SIX4: variants seen among roughly 807,000 people sequenced by gnomAD.
SIX4 encodes SIX homeobox 4, also known as homeobox protein SIX4.
SIX4 carries 23 observed loss-of-function variants against 51.5 expected under a neutral mutation model. The observed-to-expected ratio is 0.45, with a 90% CI of 0.32 to 0.63. SIX4 has a LOEUF of 0.63. Ranked by LOEUF, SIX4 falls within the 30% of genes least tolerant of loss-of-function variation. SIX4 has a pLI of 0.04. For synonymous variants in SIX4, 413 were observed against 417.3 expected (o/e 0.99, Z 0.13); for missense variants, 867 against 984.0 (o/e 0.88, Z 1.59).
intron 1 of SIX4, 60 bp downstream of exon 1, chr14:60,723,152 A>G (rs1896060970): frequency 2.1e-6 from 3 of 1,459,046 alleles, no homozygotes; most frequent in East Asian, 2.5e-5. Flanking sequence ...TTGGAGGAAA[A>G]GAAAGCCGGG....
chr14:60,719,653 A>T lies in SIX4; in HGVS notation c.1549+107T>A. On this transcript the variant is annotated intron_variant, in intron 2 of 2. Transcript: ENST00000216513. This position sits in a 1 kb window ranked among gnomAD's most constrained non-coding sequence, Gnocchi z 4.9. ...TACTCTACAGCTTCGGCAGCTAATA[A>T]GGTACCTGAACAGAAACATCAATCT... The T allele has an allele frequency of 9.0e-7, 1 of 1,116,364 alleles. No individual in the cohort carries two copies. The highest frequency in any genetic ancestry group is 1.3e-6 in the Non-Finnish European group (1 of 787,440). The allele number at this position is 1,116,364 out of a possible 1,614,324, so 69.2% of individuals were successfully genotyped here.
intron 2 of SIX4, chr14:60,718,022 T>A (rs1895950554): frequency 4.6e-6 from 1 of 218,150 alleles, no homozygotes; most frequent in African/African-American, 2.4e-5. Flanking sequence ...AAAATAATAA[T>A]AATAATAATA....
rs748843433 is a variant in SIX4, at chr14:60,723,830, TCCGCCGCCGCTCCGGCCG to T, written c.227_244del (p.Ala76_Ala81del). 2.6e-6 allele frequency: 4 copies of T among 1,523,766 alleles called. No individual in the cohort carries two copies. Among genetic ancestry groups the T allele is most frequent in the Admixed American group, 4.4e-5 (2 of 45,636 alleles). The allele number at this position is 1,523,766 out of a possible 1,614,324, so 94.4% of individuals were successfully genotyped here. The stretch of plus-strand genomic sequence containing the variant: ...AAGTTCCGAGTGGAGTTGTACCTGA[TCCGCCGCCGCTCCGGCCG>T]CCGCCGCCGCCACTGCCCCTTCCTC... On this transcript the variant is annotated inframe_deletion, in exon 1 of 3. Transcript: ENST00000216513.
rs758321374 is a variant in SIX4, at chr14:60,713,795, A to G, written c.1958T>C (p.Val653Ala). ...ATAGTTAGTGTTGCTGACAGATGTC[A>G]CAGTAGATTTGCTTGCCACCGGTGC... ...MSAPVASKST[V>A]TSVSNTNYAT... The change falls in exon 3 of 3, where the codon GTG becomes GCG. Residue 653 changes from valine (V) to alanine (A), a missense_variant. Coordinates refer to ENST00000216513, the MANE Select transcript of SIX4 (RefSeq NM_017420.5). The G allele has an allele frequency of 3.1e-6, 5 of 1,614,196 alleles. No homozygotes were observed. The South Asian group carries it at 5.5e-5, about 18-fold the overall frequency.
At position 60,713,555 on chromosome 14, in the gene SIX4, G is replaced by C; in HGVS notation, c.2198C>G (p.Ala733Gly). The C allele has an allele frequency of 6.2e-7, 1 of 1,614,166 alleles. No homozygotes were observed. The highest frequency in any genetic ancestry group is 1.1e-5 in the South Asian group (1 of 91,082). ...GTCCAGCATCATTAAGCTACTTGTT[G>C]CTTTGCTCTCAGAATTTGATAAGAA... is the stretch of plus-strand genomic sequence containing the variant. ...ENFLSNSESK[A>G]TSSLMMLDSK... Residue 733 changes from alanine (A) to glycine (G), a missense_variant, in exon 3 of 3, where the codon GCA (alanine) becomes GGA (glycine). Ala to Gly is a moderately conservative substitution (Grantham distance 60). Coordinates refer to ENST00000216513, the MANE Select transcript of SIX4 (RefSeq NM_017420.5).
At position 60,719,749 on chromosome 14, in the gene SIX4, G is replaced by A. The variant is rs764682464; in HGVS notation, c.1549+11C>T. 6 of 1,610,802 alleles carry A rather than the reference G, an allele frequency of 3.7e-6. No homozygotes were observed. In the East Asian group the frequency reaches 1.3e-4, roughly 36 times the overall value. ...TTGCTGGTGCATTAAGGTACCAAAT[G>A]AGATTGTTACCTTGTGAAGCTGCCA... is the stretch of plus-strand genomic sequence containing the variant. On this transcript the variant is annotated intron_variant, in intron 2 of 2. Transcript: ENST00000216513. This position sits in a 1 kb window ranked among gnomAD's most constrained non-coding sequence, Gnocchi z 4.9.
intron 2 of SIX4, among the ~76,000 whole-genome samples, chr14:60,714,683 T>G (rs1895888076): frequency 6.6e-6 from 1 of 151,716 alleles, no homozygotes; most frequent in Non-Finnish European, 1.5e-5. Flanking sequence ...TTTTTTTTTT[T>G]TCAGATGGAG....
chr14:60,723,446 A>G lies in SIX4; in HGVS notation c.629T>C (p.Leu210Pro). Residue 210 changes from leucine to proline, a missense_variant, in exon 1 of 3, where the codon CTG becomes CCG. Leu to Pro is a moderately conservative substitution (Grantham distance 98, BLOSUM62 -3). Coordinates refer to ENST00000216513, the MANE Select transcript of SIX4 (RefSeq NM_017420.5). ...GCGGGGCAGGGGGAATTTCCTGCGC[A>G]GCCGGTACTTGTCTACGGCTCCCAG... ...RPLGAVDKYRLRRKFPLPRTI... is the reference protein window; with the variant it reads ...RPLGAVDKYRPRRKFPLPRTI... 1 of 1,609,548 alleles carries G rather than the reference A, an allele frequency of 6.2e-7. No homozygotes were observed. Among genetic ancestry groups the G allele is most frequent in the Non-Finnish European group, 8.5e-7 (1 of 1,179,860 alleles).
chr14:60,719,731 T>C lies in SIX4; in HGVS notation c.1549+29A>G. On this transcript the variant is annotated intron_variant, in intron 2 of 2. Transcript: ENST00000216513. The surrounding 1 kb of genome is among the most constrained non-coding windows in gnomAD (Gnocchi z 4.9). ...AGCAGCTGATGAACACATTTGCTGG[T>C]GCATTAAGGTACCAAATGAGATTGT... The C allele has an allele frequency of 6.3e-7, 1 of 1,598,656 alleles. No homozygotes were observed.
chr14:60,718,384 A>G (rs749940895), intron 2 of SIX4, among the ~76,000 whole-genome samples: 1 of 152,198 alleles, frequency 6.6e-6, no homozygotes, highest in Non-Finnish European at 1.5e-5. Flanking sequence ...CTATTAGTTC[A>G]TAATAATTTT....
chr14:60,721,675 G>A (rs1177627035), intron 1 of SIX4, among the ~76,000 whole-genome samples: 3 of 152,152 alleles, frequency 2.0e-5, no homozygotes, highest in Admixed American at 6.5e-5. Flanking sequence ...TGGAGCGTGG[G>A]GGAGTCCCAG....
At position 60,722,488 on chromosome 14, in the gene SIX4, C is replaced by G. The variant is rs1160410937; in HGVS notation, c.863+724G>C. On this transcript the variant is annotated intron_variant, in intron 1 of 2. Transcript: ENST00000216513. The surrounding 1 kb of genome is among the most constrained non-coding windows in gnomAD (Gnocchi z 5.9). ...CTGCTACCCCGGCTGCGCTGAAACC[C>G]GATCCTAAGGAGTTCAGAATCAGGT... 2.0e-5 allele frequency among the ~76,000 whole-genome samples: 3 copies of G among 152,148 alleles called. No individual in the cohort carries two copies. The highest frequency in any genetic ancestry group is 7.2e-5 in the African/African-American group (3 of 41,436).
rs992345550 is a variant in SIX4, at chr14:60,712,299, G to A, written c.*1108C>T. On this transcript the variant is annotated 3_prime_UTR_variant, in exon 3 of 3. Coordinates refer to ENST00000216513, the MANE Select transcript of SIX4 (RefSeq NM_017420.5). Reference sequence around the variant, plus strand: ...ATATATATTATTTAGTGAAACTTAAGTTCTTCAGATTTAAAGCAATTTTGT... The same window carrying A: ...ATATATATTATTTAGTGAAACTTAAATTCTTCAGATTTAAAGCAATTTTGT... 6.6e-6 allele frequency: 1 copy of A among 152,538 alleles called. No homozygotes were observed. Among genetic ancestry groups the A allele is most frequent in the Non-Finnish European group, 1.5e-5 (1 of 68,024 alleles). The allele number at this position is 152,538 out of a possible 1,614,324, so 9.4% of individuals were successfully genotyped here.
At position 60,724,020 on chromosome 14, in the gene SIX4, C is replaced by T; in HGVS notation, c.55G>A (p.Glu19Lys). 6 of 1,525,882 alleles carry T rather than the reference C, an allele frequency of 3.9e-6. No individual in the cohort carries two copies. Among genetic ancestry groups the T allele is most frequent in the Non-Finnish European group, 5.3e-6 (6 of 1,138,346 alleles). 94.5% of individuals were successfully genotyped at this position (1,525,882 alleles called of 1,614,324 possible). Residue 19 changes from glutamate to lysine, a missense_variant, in exon 1 of 3, where the codon GAG (glutamate) becomes AAG (lysine). Glu to Lys is a moderately conservative substitution (Grantham distance 56, BLOSUM62 1). Transcript: ENST00000216513. Reference protein sequence around the residue: ...QIASAADIKQENGMESASEGQ... With the variant: ...QIASAADIKQKNGMESASEGQ... The stretch of plus-strand genomic sequence containing the variant: ...TCCGAGGCGCTTTCCATCCCATTCT[C>T]TTGCTTGATGTCCGCCGCACTTGCG...
At chr14:60,721,459 G>C (rs1896017730) in intron 1 of SIX4, among the ~76,000 whole-genome samples, 2 of 152,206 alleles carry the variant, frequency 1.3e-5, no homozygotes, top group Non-Finnish European at 1.5e-5. Context: ...GGGATTACCC[G>C]GGCTTTGGGC....
Position 60,722,578 on chromosome 14 carries a change from T to C in SIX4, c.863+634A>G, listed in dbSNP as rs1381215531. 6.6e-6 allele frequency among the ~76,000 whole-genome samples: 1 copy of C among 152,000 alleles called. No individual in the cohort carries two copies. Among genetic ancestry groups the C allele is most frequent in the Non-Finnish European group, 1.5e-5 (1 of 67,974 alleles). Reference sequence around the variant, plus strand: ...GTTGCCGCGGCCGCTAAGGGAACCATAGGGGCAGGGTGAATGATTAACTCT... The same window carrying C: ...GTTGCCGCGGCCGCTAAGGGAACCACAGGGGCAGGGTGAATGATTAACTCT... On this transcript the variant is annotated intron_variant, in intron 1 of 2. Coordinates refer to ENST00000216513, the MANE Select transcript of SIX4 (RefSeq NM_017420.5). The surrounding 1 kb of genome is among the most constrained non-coding windows in gnomAD (Gnocchi z 5.9).
At position 60,720,236 on chromosome 14, in the gene SIX4, C is replaced by T. The variant is rs751648573; in HGVS notation, c.1073G>A (p.Ser358Asn). 6.2e-7 allele frequency: 1 copy of T among 1,614,216 alleles called. No individual in the cohort carries two copies. The highest frequency in any genetic ancestry group is 8.5e-7 in the Non-Finnish European group (1 of 1,180,040). ...VLLNGSLVPA[S>N]TSPVFLNGNS... ...TCCATTAAGGAAGACAGGTGAAGTACTTGCAGGTACCAAGCTTCCATTCAA... is the reference window on the plus strand; with the variant it reads ...TCCATTAAGGAAGACAGGTGAAGTATTTGCAGGTACCAAGCTTCCATTCAA... Residue 358 changes from serine (S) to asparagine (N), a missense_variant, in exon 2 of 3, where the codon AGT becomes AAT. Physicochemically the swap from Ser to Asn is conservative, Grantham distance 46 (BLOSUM62 1). Coordinates refer to ENST00000216513, the MANE Select transcript of SIX4 (RefSeq NM_017420.5). This position sits in a 1 kb window ranked among gnomAD's most constrained non-coding sequence, Gnocchi z 5.5.
At chr14:60,718,942 C>T (rs1224592722) in intron 2 of SIX4, among the ~76,000 whole-genome samples, 1 of 152,162 alleles carries the variant, frequency 6.6e-6, no homozygotes, top group Non-Finnish European at 1.5e-5. Context: ...GCATTAAGAT[C>T]TACCCTTCCT....
chr14:60,723,582 G>A lies in SIX4; in HGVS notation c.493C>T (p.Leu165Phe), dbSNP rs1485604350. 1 of 1,611,058 alleles carries A rather than the reference G, an allele frequency of 6.2e-7. No homozygotes were observed. The highest frequency in any genetic ancestry group is 8.5e-7 in the Non-Finnish European group (1 of 1,179,448). ...CTGTGGCTCTCGAGGATGCTGTAGA[G>A]CTCGGGGTAGATGCCCTGGTGGAAG... The part of the protein sequence containing the change: ...VAFHQGIYPE[L>F]YSILESHSFE... The change falls in exon 1 of 3, where the codon CTC (leucine) becomes TTC (phenylalanine). Residue 165 changes from leucine (L) to phenylalanine (F), a missense_variant. Transcript: ENST00000216513.
Sources: gnomAD v4.1 joint callset for allele counts (sites outside exome capture counted in the v4.1 genomes callset) on GRCh38, gnomAD v4.1.1 for gene constraint, Gnocchi (gnomAD v3.1) non-coding constraint, MANE v1.5 for transcripts, NCBI Gene and HGNC (gene_info 2026-07-23, HGNC 2026-07-21) for gene names.